PSD3: variants seen among roughly 807,000 people sequenced by gnomAD.
PSD3 encodes PH and SEC7 domain-containing protein 3.
PSD3 carries 49 observed loss-of-function variants against 105.5 expected under a neutral mutation model. The ratio of observed to expected loss-of-function variants is 0.46; its 90% CI spans 0.37 to 0.59. The LOEUF (loss-of-function observed/expected upper bound fraction) is 0.59, where lower values mean the gene tolerates loss of function less well. Among genes scored for constraint, PSD3 ranks in the 20% least tolerant of loss-of-function variants. The pLI is 0.00. For synonymous variants in PSD3, 557 were observed against 457.8 expected (o/e 1.22, Z -2.77); for missense variants, 1,561 against 1,263.8 (o/e 1.24, Z -3.57).
chr8:18,994,761 T>C (rs1212211510), intron 1 of PSD3, among the ~76,000 whole-genome samples: 1 of 151,860 alleles, frequency 6.6e-6, no homozygotes, highest in Non-Finnish European at 1.5e-5. Flanking sequence ...TGTGAAATTC[T>C]CATCATATTT....
chr8:18,867,617 A>T lies in PSD3; in HGVS notation c.1634+57T>A. The T allele has an allele frequency of 2.6e-6, 4 of 1,522,532 alleles. No individual in the cohort carries two copies. In the South Asian group the frequency reaches 5.2e-5, roughly 20 times the overall value. 94.3% of individuals were successfully genotyped at this position (1,522,532 alleles called of 1,614,324 possible). ...TATATATTCCACACTCAGATTTCCC[A>T]GAAAAGAAATCCTACAAAAACCACC... On this transcript the variant is annotated intron_variant, in intron 4 of 15. Coordinates refer to ENST00000327040, the MANE Select transcript of PSD3 (RefSeq NM_015310.4).
At chr8:18,762,822 T>A (rs745688161) in intron 9 of PSD3, 1 of 720,728 alleles carries the variant, frequency 1.4e-6, no homozygotes, top group African/African-American at 1.9e-5. Flanking sequence ...CATTTAAATA[T>A]GTCAAGGTCT....
At chr8:18,927,545 G>A (rs1203950172) in intron 2 of PSD3, among the ~76,000 whole-genome samples, 2 of 152,146 alleles carry the variant, frequency 1.3e-5, no homozygotes, top group African/African-American at 2.4e-5. Flanking sequence ...CATCACACAG[G>A]AAGGAATGAC....
chr8:19,025,598 AC>A (rs1208840202), intron 1 of PSD3, among the ~76,000 whole-genome samples: 5 of 151,964 alleles, frequency 3.3e-5, no homozygotes, highest in Non-Finnish European at 7.4e-5. Context: ...TACCTCTCCT[AC>A]CCCCCAGTAT....
Position 18,898,405 on chromosome 8 carries a change from T to C in PSD3, c.131-25672A>G, listed in dbSNP as rs188193487. On this transcript the variant is annotated intron_variant, in intron 2 of 15. Transcript: ENST00000327040. ...TTTACTTAAAGTCTGTTTTATCTGA[T>C]ATAGGAATGACTACATTTGCTTGCT... 1.9e-4 allele frequency among the ~76,000 whole-genome samples: 29 copies of C among 152,306 alleles called. No homozygotes were observed. The East Asian group carries it at 5.6e-3, about 29-fold the overall frequency.
intron 1 of PSD3, among the ~76,000 whole-genome samples, chr8:19,044,071 C>G (rs1056100660): frequency 6.6e-5 from 10 of 152,234 alleles, no homozygotes; most frequent in Non-Finnish European, 4.4e-5. Flanking sequence ...AGCCACCCAC[C>G]TCAACTCTGG....
chr8:18,897,880 G>A (rs1231424981), intron 2 of PSD3, among the ~76,000 whole-genome samples: 2 of 151,892 alleles, frequency 1.3e-5, no homozygotes, highest in African/African-American at 4.8e-5. Flanking sequence ...TGAATTAGAC[G>A]GTCAGTTCAG....
At chr8:18,773,713 T>C (rs1381595231) in intron 8 of PSD3, among the ~76,000 whole-genome samples, 1 of 152,208 alleles carries the variant, frequency 6.6e-6, no homozygotes, top group African/African-American at 2.4e-5. Context: ...TCTTTTTCTA[T>C]ATTTTGACTA....
At chr8:18,598,712 A>G (rs553374479) in intron 12 of PSD3, among the ~76,000 whole-genome samples, 1 of 152,306 alleles carries the variant, frequency 6.6e-6, no homozygotes, top group Non-Finnish European at 1.5e-5. Context: ...GTTGCAGGAT[A>G]CAAAATCAAC....
intron 4 of PSD3, among the ~76,000 whole-genome samples, chr8:18,818,239 G>C (rs550929013): frequency 6.6e-6 from 1 of 152,278 alleles, no homozygotes; most frequent in East Asian, 1.9e-4. Flanking sequence ...ACAGACGTGA[G>C]CCACCGTGTC....
chr8:18,572,077 G>T (rs1013834000), intron 14 of PSD3, among the ~76,000 whole-genome samples: 3 of 152,144 alleles, frequency 2.0e-5, no homozygotes, highest in Non-Finnish European at 4.4e-5. Context: ...TGCTCTGAGG[G>T]GTAGGGCAGG....
At chr8:18,691,229 T>G (rs17695883) in intron 9 of PSD3, among the ~76,000 whole-genome samples, 2 of 152,060 alleles carry the variant, frequency 1.3e-5, no homozygotes, top group African/African-American at 4.8e-5. Context: ...TAAACAGTTT[T>G]GAACCTGGAA....
At chr8:18,552,928 A>C (rs1585224961) in intron 15 of PSD3, among the ~76,000 whole-genome samples, 1 of 152,152 alleles carries the variant, frequency 6.6e-6, no homozygotes, top group East Asian at 1.9e-4. Flanking sequence ...CTAAGATGGA[A>C]GTTTCCTTGC....
chr8:18,861,545 C>T (rs1816451710), intron 4 of PSD3, among the ~76,000 whole-genome samples: 1 of 152,102 alleles, frequency 6.6e-6, no homozygotes, highest in Non-Finnish European at 1.5e-5. Flanking sequence ...AGGTGTCCTC[C>T]TACCAACCTG....
rs560565678 is a variant in PSD3 at position 18,535,666 on chromosome 8, T to C, written c.*77A>G. The C allele has an allele frequency of 3.6e-5, 43 of 1,190,526 alleles. No homozygotes were observed. The East Asian group carries it at 9.7e-4, about 27-fold the overall frequency. 73.7% of individuals were successfully genotyped at this position (1,190,526 alleles called of 1,614,324 possible). On this transcript the variant is annotated 3_prime_UTR_variant, in exon 16 of 16. Coordinates refer to ENST00000327040, the MANE Select transcript of PSD3 (RefSeq NM_015310.4). Reference sequence around the variant, plus strand: ...GTCACAGACTTTTTTTTTTTAAATATATTCACGGATTACCAGAAAGATCTT... The same window carrying C: ...GTCACAGACTTTTTTTTTTTAAATACATTCACGGATTACCAGAAAGATCTT...
At chr8:18,907,985 A>AAATT (rs1819958168) in intron 2 of PSD3, among the ~76,000 whole-genome samples, 2 of 152,254 alleles carry the variant, frequency 1.3e-5, no homozygotes, top group Non-Finnish European at 2.9e-5. Flanking sequence ...TAAGTATGCA[A>AAATT]CGTGAAATGG....
At chr8:18,755,379 G>C (rs138049842) in intron 9 of PSD3, among the ~76,000 whole-genome samples, 1 of 151,936 alleles carries the variant, frequency 6.6e-6, no homozygotes, top group African/African-American at 2.4e-5. Flanking sequence ...GCAGTGAGCC[G>C]AGATTGTACC....
intron 2 of PSD3, among the ~76,000 whole-genome samples, chr8:18,910,991 C>G (rs186829725): frequency 1.3e-5 from 2 of 151,850 alleles, no homozygotes; most frequent in East Asian, 3.9e-4. Context: ...TCCTGTAGTC[C>G]CAGCTACTCA....
At chr8:18,765,954 C>T (rs1275615667) in intron 8 of PSD3, among the ~76,000 whole-genome samples, 5 of 140,178 alleles carry the variant, frequency 3.6e-5, no homozygotes, top group South Asian at 2.3e-4. Flanking sequence ...GGTGACAGAG[C>T]GAGACTCCAT....
Sources: allele counts gnomAD v4.1 joint callset (sites outside exome capture counted in the v4.1 genomes callset), GRCh38; gene constraint gnomAD v4.1.1; transcripts MANE v1.5; gene names NCBI Gene and HGNC (gene_info 2026-07-23, HGNC 2026-07-21).